Variants in IL1RAPL2 observed in about 807,000 individuals in gnomAD.
IL1RAPL2 encodes the protein interleukin 1 receptor accessory protein like 2.
IL1RAPL2 carries 3 observed loss-of-function variants against 44.1 expected under a neutral mutation model. That is an observed-to-expected ratio of 0.07 (90% confidence interval 0.03 to 0.18). IL1RAPL2 has a LOEUF of 0.18. Among genes scored for constraint, IL1RAPL2 ranks in the 10% least tolerant of loss-of-function variants. The pLI, the probability that IL1RAPL2 is intolerant of heterozygous loss-of-function variation, is 1.00. For synonymous variants in IL1RAPL2, 181 were observed against 178.8 expected (o/e 1.01, Z -0.10); for missense variants, 391 against 496.4 (o/e 0.79, Z 2.02).
chrX:104,712,702 A>C (rs1336613053), intron 2 of IL1RAPL2, among the ~76,000 whole-genome samples: 1 of 110,731 alleles, frequency 9.0e-6, no homozygotes, highest in Non-Finnish European at 1.9e-5. Flanking sequence ...TGCATCACTA[A>C]GAGCAGTAAG....
intron 7 of IL1RAPL2, 23 bp downstream of exon 7, chrX:105,717,519 C>T: frequency 8.5e-7 from 1 of 1,173,321 alleles, no homozygotes; most frequent in Non-Finnish European, 1.1e-6. Flanking sequence ...AATTGCTTAT[C>T]TTTCTTTGCT....
intron 6 of IL1RAPL2, among the ~76,000 whole-genome samples, chrX:105,607,800 T>A (rs1377228207): frequency 9.1e-6 from 1 of 110,279 alleles, no homozygotes; most frequent in Non-Finnish European, 1.9e-5. Flanking sequence ...GGGTGGGTTT[T>A]GAGGGCAGAG....
rs2035967035 is a variant in IL1RAPL2 at position 105,447,192 on chromosome X, T to TGA, written c.698-37121_698-37120insGA. Among the ~76,000 whole-genome samples, 3 of 8,528 alleles carry TGA rather than the reference T, an allele frequency of 3.5e-4. 1 individual carries two copies. The African/African-American group carries it at 7.8e-3, about 22-fold the overall frequency. The allele number at this position is 8,528 out of a possible 115,157, so 7.4% of individuals were successfully genotyped here. ...ATAAATATATATATAAATATAAATA[T>TGA]ATATAAATATATATAAATATATATA... On this transcript the variant is annotated intron_variant, in intron 5 of 10. Transcript: ENST00000372582.
intron 2 of IL1RAPL2, among the ~76,000 whole-genome samples, chrX:104,869,378 A>G (rs1210732266): frequency 1.8e-5 from 2 of 110,816 alleles, no homozygotes; most frequent in African/African-American, 6.6e-5. Context: ...TCCCATAGCT[A>G]TTTTGACATA....
At chrX:105,102,609 A>G (rs2032684617) in intron 2 of IL1RAPL2, among the ~76,000 whole-genome samples, 1 of 111,642 alleles carries the variant, frequency 9.0e-6, no homozygotes, top group Non-Finnish European at 1.9e-5. Context: ...TGTATGTTTC[A>G]GTCTCTTTGT....
chrX:105,138,473 CAAAAAA>C (rs371757842), intron 2 of IL1RAPL2, among the ~76,000 whole-genome samples: 5 of 54,459 alleles, frequency 9.2e-5, no homozygotes, highest in African/African-American at 3.4e-4. Context: ...ATATAATTAC[CAAAAAA>C]AAAAAAAAAA....
At chrX:104,637,486 T>G in intron 1 of IL1RAPL2, among the ~76,000 whole-genome samples, 1 of 111,004 alleles carries the variant, frequency 9.0e-6, no homozygotes, top group South Asian at 3.9e-4. Flanking sequence ...TGAGGTATGT[T>G]TCTTCTGTAC....
intron 2 of IL1RAPL2, among the ~76,000 whole-genome samples, chrX:104,948,415 C>T (rs1356689841): frequency 1.9e-3 from 187 of 100,248 alleles, no homozygotes; most frequent in Non-Finnish European, 2.7e-3. Flanking sequence ...TTATTTCCTT[C>T]TCCTGCCTAA....
chrX:105,058,744 A>G (rs181100402), intron 2 of IL1RAPL2, among the ~76,000 whole-genome samples: 234 of 112,276 alleles, frequency 2.1e-3, no homozygotes, highest in African/African-American at 6.3e-3. Context: ...TTCAGATAAT[A>G]TCATTGATAA....
intron 2 of IL1RAPL2, among the ~76,000 whole-genome samples, chrX:104,972,928 C>T (rs1268404509): frequency 8.9e-6 from 1 of 111,927 alleles, no homozygotes; most frequent in African/African-American, 3.2e-5. Context: ...GGTCATGGTG[C>T]CCTCTCTTTG....
chrX:105,032,713 G>T lies in IL1RAPL2; in HGVS notation c.83-162762G>T, dbSNP rs188997678. Among the ~76,000 whole-genome samples the T allele has an allele frequency of 5.5e-3, 608 of 111,462 alleles. 7 individuals carry two copies. The highest frequency in any genetic ancestry group is 0.019 in the African/African-American group (582 of 30,646). On this transcript the variant is annotated intron_variant, in intron 2 of 10. Transcript: ENST00000372582. The stretch of plus-strand genomic sequence containing the variant: ...ATAATGTATATTCTGTTGATTTGGG[G>T]TGGAGAGTTCTGTAGATATCTATTA...
At chrX:105,077,601 A>T (rs1268062598) in intron 2 of IL1RAPL2, among the ~76,000 whole-genome samples, 1 of 111,482 alleles carries the variant, frequency 9.0e-6, no homozygotes, top group Non-Finnish European at 1.9e-5. Context: ...GCCTTGCTAG[A>T]TTGGGGAAAT....
intron 2 of IL1RAPL2, among the ~76,000 whole-genome samples, chrX:105,074,903 C>G (rs2032268364): frequency 9.0e-6 from 1 of 111,078 alleles, no homozygotes; most frequent in Non-Finnish European, 1.9e-5. Context: ...TAACCTGAGA[C>G]TTTGCTGAAG....
At chrX:105,130,435 T>A (rs924992349) in intron 2 of IL1RAPL2, among the ~76,000 whole-genome samples, 2 of 111,296 alleles carry the variant, frequency 1.8e-5, no homozygotes, top group African/African-American at 6.5e-5. Context: ...TCTGTATGAA[T>A]CAAATCACTT....
intron 2 of IL1RAPL2, among the ~76,000 whole-genome samples, chrX:105,021,014 A>G (rs754879338): frequency 8.9e-6 from 1 of 111,914 alleles, no homozygotes; most frequent in Non-Finnish European, 1.9e-5. Flanking sequence ...AGACAAAGCC[A>G]CACTGCAAAA....
chrX:104,656,869 T>G (rs892823225), intron 1 of IL1RAPL2, among the ~76,000 whole-genome samples: 1 of 111,647 alleles, frequency 9.0e-6, no homozygotes, highest in Non-Finnish European at 1.9e-5. Context: ...CTGTATTGGG[T>G]GCATATATAT....
chrX:105,132,963 C>T (rs972081759), intron 2 of IL1RAPL2, among the ~76,000 whole-genome samples: 5 of 111,785 alleles, frequency 4.5e-5, no homozygotes, highest in African/African-American at 1.6e-4. Context: ...TGTAGCGTTC[C>T]TTGCAGTGTT....
chrX:105,193,511 A>G (rs1330915464), intron 2 of IL1RAPL2, among the ~76,000 whole-genome samples: 1 of 112,184 alleles, frequency 8.9e-6, no homozygotes, highest in African/African-American at 3.2e-5. Context: ...AAATCCATTT[A>G]AAGATGATAA....
At chrX:105,570,204 G>A (rs1273554277) in intron 6 of IL1RAPL2, among the ~76,000 whole-genome samples, 1 of 111,328 alleles carries the variant, frequency 9.0e-6, no homozygotes, top group African/African-American at 3.3e-5. Context: ...ACTTATAAGT[G>A]AGAACATACA....
Sources: gnomAD v4.1 joint callset for allele counts (sites outside exome capture counted in the v4.1 genomes callset) on GRCh38, gnomAD v4.1.1 for gene constraint, MANE v1.5 for transcripts, NCBI Gene and HGNC (gene_info 2026-07-23, HGNC 2026-07-21) for gene names.